The following IL31RA variants were observed in gnomAD, a reference collection of about 807,000 sequenced individuals.
The protein encoded by IL31RA is interleukin 31 receptor A.
A neutral mutation model predicts 83.7 loss-of-function variants in IL31RA; 66 were observed. The observed-to-expected ratio is 0.79, with a 90% CI of 0.65 to 0.97. The LOEUF is 0.97. Among genes scored for constraint, IL31RA ranks in the 50% least tolerant of loss-of-function variants. IL31RA has a pLI of 0.00. For missense variants in IL31RA, 798 were observed against 919.4 expected (o/e 0.87, Z 1.71); for synonymous variants, 325 against 329.0 (o/e 0.99, Z 0.13).
upstream of IL31RA, among the ~76,000 whole-genome samples, chr5:55,847,931 T>G (rs1321998628): frequency 6.6e-6 from 1 of 152,194 alleles, no homozygotes; most frequent in African/African-American, 2.4e-5. Context: ...GTCCTCAAAC[T>G]TGGGTTTTTC....
Position 55,906,437 on chromosome 5 carries a change from C to CA in IL31RA, c.1252+149_1252+150insA, listed in dbSNP as rs1749165864. 1.1e-5 allele frequency: 9 copies of CA among 799,726 alleles called. No individual in the cohort carries two copies. The South Asian group carries it at 1.4e-4, about 12-fold the overall frequency. The allele number at this position is 799,726 out of a possible 1,614,324, so 49.5% of individuals were successfully genotyped here. On this transcript the variant is annotated intron_variant, in intron 9 of 14. Coordinates refer to ENST00000652347, the MANE Select transcript of IL31RA (RefSeq NM_139017.7). ...GCAAGCTTAATGAAGTGACACGCTT[C>CA]TTGGTATTTCCAAGGCAAGGCTGGC... is the stretch of plus-strand genomic sequence containing the variant.
chr5:55,865,785 G>A (rs1265835702), intron 2 of IL31RA, among the ~76,000 whole-genome samples: 2 of 152,202 alleles, frequency 1.3e-5, no homozygotes, highest in Non-Finnish European at 2.9e-5. Context: ...TTAACGTTGT[G>A]TCATTTCTTC....
At chr5:55,899,419 C>A (rs12515351) in intron 7 of IL31RA, among the ~76,000 whole-genome samples, 1 of 152,176 alleles carries the variant, frequency 6.6e-6, no homozygotes, top group Non-Finnish European at 1.5e-5. Context: ...TTAGCTAGGA[C>A]GCCTGGCTGG....
intron 12 of IL31RA, among the ~76,000 whole-genome samples, chr5:55,912,440 C>T (rs1395078411): frequency 6.6e-6 from 1 of 152,190 alleles, no homozygotes; most frequent in East Asian, 1.9e-4. Flanking sequence ...CATGGTTTTG[C>T]ATGGCTGGAT....
At chr5:55,863,486 C>G (rs748201108) in intron 2 of IL31RA, among the ~76,000 whole-genome samples, 5 of 152,220 alleles carry the variant, frequency 3.3e-5, no homozygotes, top group Non-Finnish European at 7.3e-5. Flanking sequence ...CGTGCAGTAA[C>G]AGGAGGAGGA....
intron 3 of IL31RA, 77 bp downstream of exon 3, chr5:55,868,985 C>T: frequency 1.1e-6 from 1 of 872,804 alleles, no homozygotes; most frequent in Non-Finnish European, 2.0e-6. Flanking sequence ...TGATTCACAT[C>T]CCATATGAAG....
chr5:55,847,280 TAAATAAAA>T (rs1744957939), upstream of IL31RA, among the ~76,000 whole-genome samples: 5 of 136,360 alleles, frequency 3.7e-5, no homozygotes, highest in South Asian at 1.2e-3. Flanking sequence ...AATAAATAAA[TAAATAAAA>T]AGAAAAGAAA....
At chr5:55,915,670 TA>T (rs1284720941) in intron 14 of IL31RA, among the ~76,000 whole-genome samples, 1 of 152,224 alleles carries the variant, frequency 6.6e-6, no homozygotes, top group Non-Finnish European at 1.5e-5. Flanking sequence ...CCTTTTGTTA[TA>T]ATGGGCTTTC....
intron 12 of IL31RA, among the ~76,000 whole-genome samples, chr5:55,911,898 T>C (rs1232866681): frequency 6.6e-6 from 1 of 152,250 alleles, no homozygotes; most frequent in Non-Finnish European, 1.5e-5. Flanking sequence ...TTTTCAAGAA[T>C]AAAATGCTTT....
At chr5:55,902,849 T>C (rs1748911965) in intron 8 of IL31RA, among the ~76,000 whole-genome samples, 1 of 152,174 alleles carries the variant, frequency 6.6e-6, no homozygotes, top group Non-Finnish European at 1.5e-5. Flanking sequence ...ACATGACTCA[T>C]GATGTAGATG....
Position 55,903,587 on chromosome 5 carries a change from T to A in IL31RA, c.1070-2519T>A, listed in dbSNP as rs1580731187. On this transcript the variant is annotated intron_variant, in intron 8 of 14. Transcript: ENST00000652347. This position sits in a 1 kb window ranked among gnomAD's most constrained non-coding sequence, Gnocchi z 4.7. ...TGGGGCCGGCGCCACGCCCCTGTGG[T>A]CTCCGCAGTCTCTGCAGTGCACTTG... 6.6e-6 allele frequency among the ~76,000 whole-genome samples: 1 copy of A among 152,158 alleles called. No individual in the cohort carries two copies. The highest frequency in any genetic ancestry group is 2.4e-5 in the African/African-American group (1 of 41,432).
chr5:55,893,713 T>A (rs539827800), intron 6 of IL31RA, among the ~76,000 whole-genome samples: 1 of 152,310 alleles, frequency 6.6e-6, no homozygotes, highest in East Asian at 1.9e-4. Context: ...TGGACCATAT[T>A]TGCAGGAAAT....
chr5:55,882,787 A>G (rs1282415154), intron 4 of IL31RA, among the ~76,000 whole-genome samples: 1 of 152,022 alleles, frequency 6.6e-6, no homozygotes, highest in Non-Finnish European at 1.5e-5. Context: ...TCTGCTTGGC[A>G]TAGCATATGA....
At chr5:55,848,695 C>T (rs1289162415), upstream of IL31RA, among the ~76,000 whole-genome samples, 1 of 152,004 alleles carries the variant, frequency 6.6e-6, no homozygotes, top group African/African-American at 2.4e-5. Flanking sequence ...AAGTGGAATT[C>T]CCGGATTAAA....
chr5:55,890,756 G>A (rs181877127), intron 6 of IL31RA, among the ~76,000 whole-genome samples: 5 of 152,294 alleles, frequency 3.3e-5, no homozygotes, highest in African/African-American at 1.2e-4. Flanking sequence ...ATAAATAAAG[G>A]TGTAACTAAT....
In IL31RA at chr5:55,922,644, A is replaced by G. The variant is rs1054514914; in HGVS notation, c.*5524A>G. 3 of 527,630 alleles carry G rather than the reference A, an allele frequency of 5.7e-6. No homozygotes were observed. The highest frequency in any genetic ancestry group is 1.0e-5 in the Non-Finnish European group (3 of 299,014). 32.7% of individuals were successfully genotyped at this position (527,630 alleles called of 1,614,324 possible). On this transcript the variant is annotated 3_prime_UTR_variant, in exon 15 of 15. Coordinates refer to ENST00000652347, the MANE Select transcript of IL31RA (RefSeq NM_139017.7). ...CTGTTATTAAGTAGAGTGTGAAAAC[A>G]TGGTTATGGTAATAGGAACAGCTTT...
chr5:55,857,057 A>T (rs1284118987), intron 1 of IL31RA, among the ~76,000 whole-genome samples: 2 of 151,344 alleles, frequency 1.3e-5, no homozygotes, highest in African/African-American at 4.9e-5. Flanking sequence ...TCTCTACTGG[A>T]CTTATTTCTA....
At chr5:55,842,994 T>A in the IL31RA span, among the ~76,000 whole-genome samples, 1 of 152,228 alleles carries the variant, frequency 6.6e-6, no homozygotes, top group East Asian at 1.9e-4. Context: ...ATCAGCATAC[T>A]TCTGCTGCCC....
At position 55,888,398 on chromosome 5, in the gene IL31RA, A is replaced by G. The variant is rs113890787; in HGVS notation, c.607-1572A>G. ...TTCTCTGAGGCCGGGGCTGGGAGGAAGAGGCTTCCGTGGCTACATTAGGCA... is the reference window on the plus strand; with the variant it reads ...TTCTCTGAGGCCGGGGCTGGGAGGAGGAGGCTTCCGTGGCTACATTAGGCA... On this transcript the variant is annotated intron_variant, in intron 5 of 14. Transcript: ENST00000652347. Among the ~76,000 whole-genome samples, 1,251 of 152,300 alleles carry G rather than the reference A, an allele frequency of 8.2e-3. 10 individuals carry two copies. The highest frequency in any genetic ancestry group is 0.014 in the Non-Finnish European group (947 of 68,018).
Sources: allele counts gnomAD v4.1 joint callset (sites outside exome capture counted in the v4.1 genomes callset), GRCh38; gene constraint gnomAD v4.1.1; non-coding constraint Gnocchi (gnomAD v3.1); transcripts MANE v1.5; gene names NCBI Gene and HGNC (gene_info 2026-07-23, HGNC 2026-07-21).